Variants in ATG13 observed in about 807,000 individuals in gnomAD.
The protein encoded by ATG13 is autophagy related 13.
In ATG13, 23 loss-of-function variants were observed where a neutral mutation model predicts 65.5. The observed-to-expected ratio is 0.35, with a 90% CI of 0.25 to 0.50. The LOEUF is 0.50. Ranked by LOEUF, ATG13 falls within the 20% of genes least tolerant of loss-of-function variation. The pLI is 0.98. For synonymous variants in ATG13, 252 were observed against 245.2 expected (o/e 1.03, Z -0.26); for missense variants, 566 against 677.0 (o/e 0.84, Z 1.82).
intron 3 of ATG13, 138 bp downstream of exon 3, chr11:46,644,498 AAC>A (rs1403065510): frequency 2.9e-6 from 2 of 681,292 alleles, no homozygotes; most frequent in East Asian, 5.5e-5. Context: ...GTCTGTTGTC[AAC>A]CAAACTGTGA....
Position 46,645,556 on chromosome 11 carries a change from A to G in ATG13, c.150+137A>G, listed in dbSNP as rs1202781774. 29 of 823,164 alleles carry G rather than the reference A, an allele frequency of 3.5e-5. No individual in the cohort carries two copies. In the Admixed American group the frequency reaches 5.7e-4, roughly 16 times the overall value. The allele number at this position is 823,164 out of a possible 1,614,324, so 51.0% of individuals were successfully genotyped here. ...ATATCTAATTCCATTTGATCCATTTACTTGAAAAGGTTGTTCTTATTGTAT... is the reference window on the plus strand; with the variant it reads ...ATATCTAATTCCATTTGATCCATTTGCTTGAAAAGGTTGTTCTTATTGTAT... On this transcript the variant is annotated intron_variant, in intron 4 of 18. Transcript: ENST00000683050.
intron 1 of ATG13, among the ~76,000 whole-genome samples, chr11:46,621,925 ATC>A (rs2047640102): frequency 6.6e-6 from 1 of 151,396 alleles, no homozygotes; most frequent in Non-Finnish European, 1.5e-5. Context: ...AATCTGGAAT[ATC>A]TACCATTTTT....
At position 46,645,921 on chromosome 11, in the gene ATG13, G is replaced by A. The variant is rs2057403838; in HGVS notation, c.202G>A (p.Ala68Thr). Reference protein sequence around the residue: ...IPEVTHEAKKALAGQLPAVGR... With the variant: ...IPEVTHEAKKTLAGQLPAVGR... ...AGAGGTTACACATGAAGCAAAGAAG[G>A]CACTGGCAGGACAGCTGCCTGCAGT... Residue 68 changes from alanine (A) to threonine (T), a missense_variant, in exon 5 of 19, where the codon GCA (alanine) becomes ACA (threonine). Physicochemically the swap from Ala to Thr is moderately conservative, Grantham distance 58. Around this residue, in one of 2 missense-constraint regions of ATG13, gnomAD observed 179 missense variants for 267.2 expected, o/e 0.67. Transcript: ENST00000683050. The A allele has an allele frequency of 1.9e-6, 3 of 1,614,100 alleles. No homozygotes were observed. The African/African-American group carries it at 4.0e-5, about 22-fold the overall frequency.
At position 46,668,796 on chromosome 11, in the gene ATG13, G is replaced by A. The variant is rs1565628176; in HGVS notation, c.1332G>A (p.Val444=). 1 of 1,612,088 alleles carries A rather than the reference G, an allele frequency of 6.2e-7. No homozygotes were observed. The highest frequency in any genetic ancestry group is 1.7e-5 in the Admixed American group (1 of 60,016). Reference sequence around the variant, plus strand: ...AATCCTGCCTTGCTATGAAACAGGTGAATCCTCCAGATTCCCCAGAGACTG... The same window carrying A: ...AATCCTGCCTTGCTATGAAACAGGTAAATCCTCCAGATTCCCCAGAGACTG... The part of the protein sequence containing the change: ...NLELEDTDPM[V]NPPDSPETES... The change falls in exon 17 of 19, where the codon GTG becomes GTA. Residue 444 remains valine (V), a splice_region_variant and synonymous_variant. Transcript: ENST00000683050.
chr11:46,619,472 C>T (rs2046623305), intron 1 of ATG13, among the ~76,000 whole-genome samples: 1 of 146,122 alleles, frequency 6.8e-6, no homozygotes, highest in Non-Finnish European at 1.5e-5. Context: ...GCAACCTCTG[C>T]CTCCCGGGTT....
chr11:46,634,258 G>A (rs1217975633), intron 2 of ATG13, among the ~76,000 whole-genome samples: 1 of 151,894 alleles, frequency 6.6e-6, no homozygotes, highest in Non-Finnish European at 1.5e-5. Flanking sequence ...GCCACACCCA[G>A]CTAACGTTTT....
At chr11:46,648,109 C>G (rs1215626610) in intron 5 of ATG13, among the ~76,000 whole-genome samples, 5 of 150,462 alleles carry the variant, frequency 3.3e-5, no homozygotes, top group African/African-American at 1.2e-4. Flanking sequence ...CCCACCCCCC[C>G]CAGCACTTTT....
intron 11 of ATG13, among the ~76,000 whole-genome samples, chr11:46,660,492 C>T (rs1224671937): frequency 6.6e-6 from 1 of 151,306 alleles, no homozygotes; most frequent in East Asian, 1.9e-4. Flanking sequence ...TCACTGCAAC[C>T]TCTGCCTCCC....
chr11:46,620,370 C>T (rs1470422294), intron 1 of ATG13, among the ~76,000 whole-genome samples: 1 of 151,716 alleles, frequency 6.6e-6, no homozygotes, highest in Non-Finnish European at 1.5e-5. Context: ...GCTGGGATTA[C>T]AGGCGTGAGC....
intron 7 of ATG13, 68 bp downstream of exon 7, chr11:46,650,385 T>C: frequency 6.5e-7 from 1 of 1,550,044 alleles, no homozygotes; most frequent in East Asian, 2.3e-5. Context: ...GTCTGGCATT[T>C]AGATGTTCTG....
chr11:46,672,341 T>C lies in ATG13; in HGVS notation c.*9T>C, dbSNP rs1225959265. On this transcript the variant is annotated 3_prime_UTR_variant, in exon 19 of 19. Transcript: ENST00000683050. ...TGGAAACCCTGCAGTAAAAGTATCC[T>C]TGAGTCCCAGCAGCACCCCCTTTTT... 8 of 1,614,196 alleles carry C rather than the reference T, an allele frequency of 5.0e-6. No individual in the cohort carries two copies. The highest frequency in any genetic ancestry group is 6.8e-6 in the Non-Finnish European group (8 of 1,179,996).
rs1459397049 is a variant in ATG13 at position 46,633,024 on chromosome 11, A to ATT, written c.-14+2925_-14+2926insTT. Reference sequence around the variant, plus strand: ...AAAAAATATATATATATATATATATATATTTTTTTTTTTTTTTGGCAACGG... The same window carrying ATT: ...AAAAAATATATATATATATATATATATTTATTTTTTTTTTTTTTTGGCAACGG... On this transcript the variant is annotated intron_variant, in intron 2 of 18. Coordinates refer to ENST00000683050, the MANE Select transcript of ATG13 (RefSeq NM_001346311.2). Among the ~76,000 whole-genome samples the ATT allele has an allele frequency of 1.8e-3, 175 of 99,850 alleles. 2 individuals carry two copies. The highest frequency in any genetic ancestry group is 0.011 in the African/African-American group (169 of 15,760). 65.5% of individuals were successfully genotyped at this position (99,850 alleles called of 152,430 possible). A position where few individuals can be genotyped will look rare whatever the true frequency, so the allele number is the denominator to read the frequency against.
In ATG13 at chr11:46,665,517, T is replaced by C; in HGVS notation, c.1134T>C (p.Ser378=). 6.2e-7 allele frequency: 1 copy of C among 1,614,118 alleles called. No individual in the cohort carries two copies. The highest frequency in any genetic ancestry group is 8.5e-7 in the Non-Finnish European group (1 of 1,179,966). ...DRTHCAATPS[S]SEDTETVSNS... Reference sequence around the variant, plus strand: ...CCCACTGTGCTGCCACACCCTCCAGTAGGTGAGTTCACATTTTGGCTCTGT... The same window carrying C: ...CCCACTGTGCTGCCACACCCTCCAGCAGGTGAGTTCACATTTTGGCTCTGT... The change falls in exon 14 of 19, where the codon AGT becomes AGC. Residue 378 remains serine, a splice_region_variant and synonymous_variant. Coordinates refer to ENST00000683050, the MANE Select transcript of ATG13 (RefSeq NM_001346311.2).
intron 9 of ATG13, 21 bp from the exon 10 acceptor site, chr11:46,657,503 A>C: frequency 1.2e-6 from 2 of 1,603,156 alleles, no homozygotes; most frequent in Non-Finnish European, 1.7e-6. Context: ...CAAATACTGG[A>C]ATCTGCTTAT....
chr11:46,670,862 A>G (rs569948860), intron 18 of ATG13, among the ~76,000 whole-genome samples: 5 of 152,178 alleles, frequency 3.3e-5, no homozygotes, highest in East Asian at 1.9e-4. Flanking sequence ...AGTGCCAGGC[A>G]TTTTTCTAAG....
intron 1 of ATG13, among the ~76,000 whole-genome samples, chr11:46,628,038 G>C (rs572513369): frequency 6.6e-6 from 1 of 150,498 alleles, no homozygotes; most frequent in Non-Finnish European, 1.5e-5. Flanking sequence ...AGCTGTGATC[G>C]GGCCACTGCA....
At chr11:46,659,340 G>T in intron 10 of ATG13, 52 bp from the exon 11 acceptor site, 1 of 1,445,562 alleles carries the variant, frequency 6.9e-7, no homozygotes, top group South Asian at 1.1e-5. Flanking sequence ...TAGCCTTTCT[G>T]AAATTGACTG....
At chr11:46,632,005 TG>T (rs948513920) in intron 2 of ATG13, among the ~76,000 whole-genome samples, 2 of 152,200 alleles carry the variant, frequency 1.3e-5, no homozygotes, top group African/African-American at 4.8e-5. Context: ...GTTGCAAAAT[TG>T]AAATTGCTAT....
chr11:46,617,879 G>A lies in ATG13; in HGVS notation c.-81G>A. ...AGAGCCCGGAACCACTCTTTGTGCC[G>A]CAGCTTCGCAGGTACTAACTTTTGC... On this transcript the variant is annotated 5_prime_UTR_variant, in exon 1 of 19. Coordinates refer to ENST00000683050, the MANE Select transcript of ATG13 (RefSeq NM_001346311.2). The A allele has an allele frequency of 2.5e-6, 1 of 399,126 alleles. No homozygotes were observed. Among genetic ancestry groups the A allele is most frequent in the Non-Finnish European group, 4.4e-6 (1 of 226,110 alleles). The allele number at this position is 399,126 out of a possible 1,614,324, so 24.7% of individuals were successfully genotyped here.
Sources: allele counts gnomAD v4.1 joint callset (sites outside exome capture counted in the v4.1 genomes callset), GRCh38; gene constraint gnomAD v4.1.1; regional missense constraint gnomAD v4.1.1; transcripts MANE v1.5; gene names NCBI Gene and HGNC (gene_info 2026-07-23, HGNC 2026-07-21).